The following ATP11A variants were observed in gnomAD, a reference collection of about 807,000 sequenced individuals.
The protein encoded by ATP11A is phospholipid-transporting ATPase IH.
A neutral mutation model predicts 154.4 loss-of-function variants in ATP11A; 81 were observed. The ratio of observed to expected loss-of-function variants is 0.52; its 90% confidence interval spans 0.44 to 0.63. ATP11A has a LOEUF of 0.63. Among genes scored for constraint, ATP11A ranks in the 30% least tolerant of loss-of-function variants. ATP11A has a pLI of 0.00. For synonymous variants in ATP11A, 623 were observed against 585.9 expected, an observed-to-expected ratio of 1.06 and a Z score of -0.91; for missense variants, 1,316 against 1,474.3, an observed-to-expected ratio of 0.89 and a Z score of 1.76.
intron 1 of ATP11A, among the ~76,000 whole-genome samples, chr13:112,784,809 C>T (rs544529246): frequency 3.3e-5 from 5 of 152,204 alleles, no homozygotes; most frequent in African/African-American, 7.2e-5. Flanking sequence ...AGGCGTGAGC[C>T]GCCGCGCCCG....
chr13:112,771,982 G>A (rs1431281767), intron 1 of ATP11A, among the ~76,000 whole-genome samples: 1 of 152,216 alleles, frequency 6.6e-6, no homozygotes, highest in Non-Finnish European at 1.5e-5. Flanking sequence ...GGCAGAGCCT[G>A]CGGGGCAGAT....
intron 1 of ATP11A, among the ~76,000 whole-genome samples, chr13:112,724,106 C>T (rs955229370): frequency 1.6e-5 from 2 of 129,026 alleles, no homozygotes; most frequent in Admixed American, 8.1e-5. Context: ...GTCCCCATCG[C>T]CCCCTTCGCC....
Position 112,807,555 on chromosome 13 carries a change from C to T in ATP11A, c.333+1262C>T, listed in dbSNP as rs926594413. On this transcript the variant is annotated intron_variant, in intron 4 of 29. Coordinates refer to ENST00000375645, the MANE Select transcript of ATP11A (RefSeq NM_015205.3). The surrounding 1 kb of genome is among the most constrained non-coding windows in gnomAD (Gnocchi z 4.5). ...GCCTGTGACTCAGGCAGTTTAACTC[C>T]TACCTGGGATAAGGCCTCACTTCAT... Among the ~76,000 whole-genome samples, 1 of 152,192 alleles carries T rather than the reference C, an allele frequency of 6.6e-6. No individual in the cohort carries two copies. Among genetic ancestry groups the T allele is most frequent in the Non-Finnish European group, 1.5e-5 (1 of 68,028 alleles).
At chr13:112,831,012 C>T (rs282620) in intron 12 of ATP11A, among the ~76,000 whole-genome samples, 51,894 of 151,882 alleles carry the variant, frequency 0.34, 9,525 homozygotes, top group African/African-American at 0.46. Context: ...AACCCACTTA[C>T]ACTCTGTCTT....
At chr13:112,870,437 G>A (rs2080478018) in intron 25 of ATP11A, among the ~76,000 whole-genome samples, 1 of 152,152 alleles carries the variant, frequency 6.6e-6, no homozygotes, top group South Asian at 2.1e-4. Flanking sequence ...GGAGTGTAGT[G>A]GCGTGATCTC....
At position 112,824,437 on chromosome 13, in the gene ATP11A, T is replaced by C; in HGVS notation, c.872+12T>C. 6.2e-7 allele frequency: 1 copy of C among 1,612,832 alleles called. No individual in the cohort carries two copies. Among genetic ancestry groups the C allele is most frequent in the Non-Finnish European group, 8.5e-7 (1 of 1,178,802 alleles). ...TCTGCCGTGGAAAAGTAAGGCTGGATGCGCGTGAGAACCTGCAACTTAAAA... is the reference window on the plus strand; with the variant it reads ...TCTGCCGTGGAAAAGTAAGGCTGGACGCGCGTGAGAACCTGCAACTTAAAA... On this transcript the variant is annotated intron_variant, in intron 10 of 29. Coordinates refer to ENST00000375645, the MANE Select transcript of ATP11A (RefSeq NM_015205.3).
At chr13:112,823,473 A>C in intron 9 of ATP11A, 64 bp downstream of exon 9, 2 of 1,379,910 alleles carry the variant, frequency 1.4e-6, no homozygotes, top group Non-Finnish European at 2.0e-6. Flanking sequence ...GCAAAAGTTA[A>C]AACCCGCAGC....
At chr13:112,700,820 C>T (rs1486201517) in intron 1 of ATP11A, among the ~76,000 whole-genome samples, 1 of 152,252 alleles carries the variant, frequency 6.6e-6, no homozygotes, top group African/African-American at 2.4e-5. Flanking sequence ...CCTGAGGAGC[C>T]TCCAGCTGCT....
chr13:112,749,213 G>A (rs187383502), intron 1 of ATP11A, among the ~76,000 whole-genome samples: 198 of 152,316 alleles, frequency 1.3e-3, no homozygotes, highest in East Asian at 0.013. Flanking sequence ...TCCCTAAGCC[G>A]CCAGGCTCTG....
intron 1 of ATP11A, among the ~76,000 whole-genome samples, chr13:112,713,135 A>G (rs166864): frequency 0.84 from 128,017 of 152,254 alleles, 54,107 homozygotes; most frequent in East Asian, 0.93. Context: ...GGTGGCTCAC[A>G]CCTGGAATCC....
At chr13:112,828,214 G>T (rs901480583) in intron 12 of ATP11A, among the ~76,000 whole-genome samples, 2 of 149,086 alleles carry the variant, frequency 1.3e-5, no homozygotes, top group Admixed American at 6.7e-5. Context: ...AAAGCGCCCA[G>T]CAGTGTTGAG....
intron 1 of ATP11A, among the ~76,000 whole-genome samples, chr13:112,744,648 G>A (rs1196835615): frequency 2.0e-5 from 3 of 152,132 alleles, no homozygotes; most frequent in Non-Finnish European, 4.4e-5. Flanking sequence ...CTCTCGGCTC[G>A]GTGCTGTGGA....
intron 1 of ATP11A, among the ~76,000 whole-genome samples, chr13:112,725,189 C>T (rs541632269): frequency 1.8e-4 from 27 of 152,294 alleles, no homozygotes; most frequent in East Asian, 5.8e-4. Flanking sequence ...CTGACTCAGG[C>T]TCGGGCTGGG....
At chr13:112,826,256 C>T (rs1421225078) in intron 11 of ATP11A, among the ~76,000 whole-genome samples, 1 of 152,198 alleles carries the variant, frequency 6.6e-6, no homozygotes, top group African/African-American at 2.4e-5. Flanking sequence ...TAACATGGCC[C>T]CACAGATCAG....
intron 1 of ATP11A, among the ~76,000 whole-genome samples, chr13:112,758,604 T>C (rs1443797813): frequency 5.9e-5 from 9 of 151,710 alleles, no homozygotes; most frequent in Non-Finnish European, 8.8e-5. Context: ...TTTGTATTTT[T>C]AGTAGAGATG....
At chr13:112,749,181 C>T (rs538057116) in intron 1 of ATP11A, among the ~76,000 whole-genome samples, 115 of 152,322 alleles carry the variant, frequency 7.5e-4, no homozygotes, top group Middle Eastern at 3.4e-3. Flanking sequence ...CCTCCATCTC[C>T]GCACAGTGCA....
chr13:112,865,529 C>T (rs546318223), intron 25 of ATP11A, among the ~76,000 whole-genome samples: 4 of 152,360 alleles, frequency 2.6e-5, no homozygotes, highest in Non-Finnish European at 5.9e-5. Context: ...AAGGAAATGT[C>T]CTGCTGAAGT....
intron 18 of ATP11A, among the ~76,000 whole-genome samples, chr13:112,853,585 C>T (rs545568675): frequency 5.9e-5 from 9 of 152,344 alleles, no homozygotes; most frequent in East Asian, 1.9e-4. Flanking sequence ...TGACTGCTGT[C>T]GGAAGAGCCG....
Position 112,882,065 on chromosome 13 carries a change from T to C in ATP11A, c.*199T>C, listed in dbSNP as rs763054639. On this transcript the variant is annotated 3_prime_UTR_variant, in exon 30 of 30. Transcript: ENST00000375645. This position sits in a 1 kb window ranked among gnomAD's most constrained non-coding sequence, Gnocchi z 5.1. ...GTCCCGTGTGGGAATGCTCGTGTGATGGATGGTCCTAAGCCTGTGGAGACT... is the reference window on the plus strand; with the variant it reads ...GTCCCGTGTGGGAATGCTCGTGTGACGGATGGTCCTAAGCCTGTGGAGACT... The C allele has an allele frequency of 2.3e-5, 31 of 1,367,362 alleles. 1 individual carries two copies. In the Middle Eastern group the frequency reaches 6.3e-4, roughly 28 times the overall value. 84.7% of individuals were successfully genotyped at this position (1,367,362 alleles called of 1,614,324 possible).
Sources: gnomAD v4.1 joint callset for allele counts (sites outside exome capture counted in the v4.1 genomes callset) on GRCh38, gnomAD v4.1.1 for gene constraint, Gnocchi (gnomAD v3.1) non-coding constraint, MANE v1.5 for transcripts, NCBI Gene and HGNC (gene_info 2026-07-23, HGNC 2026-07-21) for gene names.